The following ANO3 variants were observed in gnomAD, a reference collection of about 807,000 sequenced individuals.
The protein encoded by ANO3 is anoctamin 3, also known as anoctamin-3.
Under a neutral mutation model 144.8 loss-of-function variants are expected in ANO3, and 99 were observed. The ratio of observed to expected loss-of-function variants is 0.68; its 90% confidence interval spans 0.58 to 0.81. ANO3 has a LOEUF of 0.81. ANO3 is among the 30% of genes least tolerant of loss of function. The pLI, the probability that ANO3 is intolerant of heterozygous loss-of-function variation, is 0.00. For missense variants in ANO3, 905 were observed against 1,202.2 expected, an observed-to-expected ratio of 0.75 and a Z score of 3.66; for synonymous variants, 414 against 392.6, an observed-to-expected ratio of 1.05 and a Z score of -0.64.
chr11:26,257,220 A>T (rs1853080144), intron 1 of ANO3, among the ~76,000 whole-genome samples: 1 of 152,140 alleles, frequency 6.6e-6, no homozygotes, highest in South Asian at 2.1e-4. Context: ...AAGCATACAC[A>T]CAAAAATCTA....
At chr11:26,532,694 T>C (rs116469273) in intron 8 of ANO3, among the ~76,000 whole-genome samples, 1,580 of 152,192 alleles carry the variant, frequency 0.01, 25 homozygotes, top group African/African-American at 0.032. Context: ...GCTGTTCTCA[T>C]TGTTTGCCAT....
intron 1 of ANO3, among the ~76,000 whole-genome samples, chr11:26,347,973 T>G (rs1305277198): frequency 6.6e-6 from 1 of 152,226 alleles, no homozygotes; most frequent in African/African-American, 2.4e-5. Context: ...CATTGGGTAC[T>G]CTTTGCAAAG....
intron 1 of ANO3, among the ~76,000 whole-genome samples, chr11:26,435,242 C>A (rs1005069400): frequency 3.9e-5 from 6 of 152,188 alleles, no homozygotes; most frequent in African/African-American, 1.4e-4. Flanking sequence ...AATGTGAATA[C>A]AGGCCCCAAT....
intron 23 of ANO3, among the ~76,000 whole-genome samples, chr11:26,644,861 C>A (rs976050256): frequency 7.0e-6 from 1 of 142,812 alleles, no homozygotes; most frequent in Non-Finnish European, 1.5e-5. Context: ...ACCATATATA[C>A]ATACTATAAC....
chr11:26,371,452 A>C (rs1168231789), intron 1 of ANO3, among the ~76,000 whole-genome samples: 1 of 152,236 alleles, frequency 6.6e-6, no homozygotes, highest in Non-Finnish European at 1.5e-5. Flanking sequence ...GCCCCCACAC[A>C]GAGTCCCACT....
chr11:26,367,733 T>C (rs927776265), intron 1 of ANO3, among the ~76,000 whole-genome samples: 1 of 152,094 alleles, frequency 6.6e-6, no homozygotes, highest in African/African-American at 2.4e-5. Context: ...CATGGAAGCA[T>C]ACAGTAAAGG....
chr11:26,254,091 G>T (rs1021767775), intron 1 of ANO3, among the ~76,000 whole-genome samples: 4 of 152,120 alleles, frequency 2.6e-5, no homozygotes, highest in African/African-American at 9.7e-5. Flanking sequence ...CAGCCATGTG[G>T]AACAAATTTA....
chr11:26,475,900 C>A (rs1859949119), intron 4 of ANO3, among the ~76,000 whole-genome samples: 1 of 151,970 alleles, frequency 6.6e-6, no homozygotes, highest in Admixed American at 6.6e-5. Context: ...TAAACAGATA[C>A]AACAGTGGTT....
chr11:26,280,797 C>T (rs1237109935), intron 1 of ANO3, among the ~76,000 whole-genome samples: 2 of 152,202 alleles, frequency 1.3e-5, no homozygotes, highest in African/African-American at 4.8e-5. Flanking sequence ...AGTTCCCTGT[C>T]TCCCAGGAAT....
At chr11:26,487,221 C>T (rs768271686) in intron 4 of ANO3, among the ~76,000 whole-genome samples, 1 of 152,198 alleles carries the variant, frequency 6.6e-6, no homozygotes, top group Non-Finnish European at 1.5e-5. Context: ...GCCAGTCTTT[C>T]CCACGCTATT....
chr11:26,657,588 A>ACCACTGCTTTCACCACC (rs1420386999), intron 26 of ANO3, among the ~76,000 whole-genome samples: 7 of 151,944 alleles, frequency 4.6e-5, no homozygotes, highest in African/African-American at 1.7e-4. Flanking sequence ...CACCACTGCT[A>ACCACTGCTTTCACCACC]ATTCCATTAC....
At chr11:26,564,822 T>A (rs545578093) in intron 14 of ANO3, among the ~76,000 whole-genome samples, 21 of 137,498 alleles carry the variant, frequency 1.5e-4, no homozygotes, top group African/African-American at 5.6e-4. Flanking sequence ...GCATGTGAAA[T>A]TTCAGGTAGT....
intron 1 of ANO3, among the ~76,000 whole-genome samples, chr11:26,214,230 G>A (rs1851992355): frequency 1.3e-5 from 2 of 151,794 alleles, no homozygotes; most frequent in South Asian, 4.1e-4. Context: ...GGATACATAT[G>A]TACTGATGAA....
intron 1 of ANO3, among the ~76,000 whole-genome samples, chr11:26,342,823 AT>A (rs541531401): frequency 4.0e-5 from 6 of 151,758 alleles, no homozygotes; most frequent in Admixed American, 6.6e-5. Flanking sequence ...TTATCACTTT[AT>A]TTTTTTTATT....
intron 1 of ANO3, among the ~76,000 whole-genome samples, chr11:26,430,660 A>G (rs1858060171): frequency 2.0e-5 from 3 of 152,226 alleles, no homozygotes; most frequent in Admixed American, 2.0e-4. Flanking sequence ...ACAGAAAAGC[A>G]ATACATAAAG....
chr11:26,595,958 TTC>T (rs1851615575), intron 14 of ANO3, among the ~76,000 whole-genome samples: 1 of 152,196 alleles, frequency 6.6e-6, no homozygotes, highest in South Asian at 2.1e-4. Context: ...ATTTGGGCCA[TTC>T]GCGGGTTACT....
At chr11:26,523,366 C>G (rs999096822) in intron 6 of ANO3, among the ~76,000 whole-genome samples, 1 of 152,168 alleles carries the variant, frequency 6.6e-6, no homozygotes, top group Admixed American at 6.5e-5. Flanking sequence ...GAAATAAAAC[C>G]TCTCATATCT....
intron 1 of ANO3, among the ~76,000 whole-genome samples, chr11:26,336,482 A>C (rs887653840): frequency 2.0e-5 from 3 of 152,370 alleles, no homozygotes; most frequent in African/African-American, 7.2e-5. Flanking sequence ...TTACACTTAT[A>C]TGGAGACTTA....
intron 17 of ANO3, among the ~76,000 whole-genome samples, chr11:26,613,844 G>A (rs1220624276): frequency 1.3e-5 from 2 of 152,218 alleles, no homozygotes; most frequent in East Asian, 3.9e-4. Flanking sequence ...CGGGCTGGAT[G>A]TTAGCCAGAC....
Sources: allele counts gnomAD v4.1 joint callset (sites outside exome capture counted in the v4.1 genomes callset), GRCh38; gene constraint gnomAD v4.1.1; transcripts MANE v1.5; gene names NCBI Gene and HGNC (gene_info 2026-07-23, HGNC 2026-07-21).